The following RB1 variants were observed in gnomAD, a reference collection of about 807,000 sequenced individuals.
RB1 encodes retinoblastoma-associated protein.
Under a neutral mutation model 135.4 loss-of-function variants are expected in RB1, and 18 were observed. The ratio of observed to expected loss-of-function variants is 0.13; its 90% CI spans 0.09 to 0.20. RB1 has a LOEUF of 0.20. Among genes scored for constraint, RB1 ranks in the 10% least tolerant of loss-of-function variants. The pLI, the probability that RB1 is intolerant of heterozygous loss-of-function variation, is 1.00. For synonymous variants in RB1, 365 were observed against 373.2 expected (o/e 0.98, Z 0.25); for missense variants, 868 against 1,110.0 (o/e 0.78, Z 3.10).
In RB1 at chr13:48,473,331, C is replaced by T. The variant is rs1340456154; in HGVS notation, c.2490-29C>T. 1.6e-5 allele frequency: 24 copies of T among 1,538,186 alleles called. No individual in the cohort carries two copies. Among genetic ancestry groups the T allele is most frequent in the Non-Finnish European group, 2.1e-5 (23 of 1,113,430 alleles). Reference sequence around the variant, plus strand: ...CAAAATTGTATATGGTTTTTTATTACTAATTGGTATTTCATCTTAACTTGA... The same window carrying T: ...CAAAATTGTATATGGTTTTTTATTATTAATTGGTATTTCATCTTAACTTGA... On this transcript the variant is annotated intron_variant, in intron 23 of 26. Transcript: ENST00000267163.
At chr13:48,395,106 G>C (rs1375615308) in intron 17 of RB1, among the ~76,000 whole-genome samples, 1 of 152,086 alleles carries the variant, frequency 6.6e-6, no homozygotes, top group Non-Finnish European at 1.5e-5. Context: ...AGGCAAACAG[G>C]GTCTGGAGTG....
At chr13:48,321,208 A>AT (rs1298817274) in intron 2 of RB1, among the ~76,000 whole-genome samples, 1 of 151,952 alleles carries the variant, frequency 6.6e-6, no homozygotes, top group East Asian at 1.9e-4. Flanking sequence ...GGGCTGGCCC[A>AT]TTTACTTAGT....
rs142646934 is a variant in RB1, at chr13:48,335,732, T to C, written c.265-6867T>C. On this transcript the variant is annotated intron_variant, in intron 2 of 26. Transcript: ENST00000267163. ...TCTTCTGTTTCAACAATTTTTAAAG[T>C]GCTATCCTGAGTCCTTTTCATAATT... 7.2e-4 allele frequency among the ~76,000 whole-genome samples: 110 copies of C among 152,226 alleles called. 1 individual carries two copies. Among genetic ancestry groups the C allele is most frequent in the African/African-American group, 2.6e-3 (106 of 41,540 alleles).
At chr13:48,395,616 GA>G (rs1473052739) in intron 17 of RB1, among the ~76,000 whole-genome samples, 1 of 151,822 alleles carries the variant, frequency 6.6e-6, no homozygotes, top group South Asian at 2.1e-4. Context: ...CGATCAAGCA[GA>G]AAAAAAGGAT....
chr13:48,420,637 C>T (rs1948991092), intron 17 of RB1, among the ~76,000 whole-genome samples: 1 of 152,080 alleles, frequency 6.6e-6, no homozygotes, highest in Non-Finnish European at 1.5e-5. Flanking sequence ...TTTAGAAAAC[C>T]CCATTATCTC....
At chr13:48,429,896 A>C (rs1264540006) in intron 17 of RB1, among the ~76,000 whole-genome samples, 1 of 152,218 alleles carries the variant, frequency 6.6e-6, no homozygotes, top group African/African-American at 2.4e-5. Context: ...AAAGACTACA[A>C]AACTTTAATA....
At chr13:48,342,020 T>C (rs1186040532) in intron 2 of RB1, among the ~76,000 whole-genome samples, 1 of 152,006 alleles carries the variant, frequency 6.6e-6, no homozygotes, top group African/African-American at 2.4e-5. Context: ...AAGAACTGAC[T>C]GTATACTATA....
At chr13:48,420,125 G>A (rs1000040980) in intron 17 of RB1, among the ~76,000 whole-genome samples, 5 of 152,120 alleles carry the variant, frequency 3.3e-5, no homozygotes, top group African/African-American at 9.7e-5. Flanking sequence ...GAATATCGAC[G>A]TGAAAACCCT....
intron 2 of RB1, chr13:48,318,479 G>T (rs1391038776): frequency 2.4e-6 from 3 of 1,269,528 alleles, no homozygotes; most frequent in Non-Finnish European, 3.3e-6. Context: ...GCCTCACCTC[G>T]TCTGTCTTAC....
chr13:48,440,774 A>G (rs1207065082), intron 17 of RB1, among the ~76,000 whole-genome samples: 1 of 152,146 alleles, frequency 6.6e-6, no homozygotes, highest in Non-Finnish European at 1.5e-5. Context: ...TTTTCATTTA[A>G]AAAATTAATG....
rs1327513097 is a variant in RB1 at position 48,319,709 on chromosome 13, G to C, written c.264+12303G>C. ...CTTCGTGGGATTTCAAGAGTGACTT[G>C]GTCGAATTTTCGTTTGGGTCTGGTT... On this transcript the variant is annotated intron_variant, in intron 2 of 26. Coordinates refer to ENST00000267163, the MANE Select transcript of RB1 (RefSeq NM_000321.3). This position sits in a 1 kb window ranked among gnomAD's most constrained non-coding sequence, Gnocchi z 5.0. 11 of 255,516 alleles carry C rather than the reference G, an allele frequency of 4.3e-5. No individual in the cohort carries two copies. The highest frequency in any genetic ancestry group is 8.9e-5 in the Non-Finnish European group (11 of 122,994). The allele number at this position is 255,516 out of a possible 1,614,324, so 15.8% of individuals were successfully genotyped here.
At chr13:48,320,967 C>A (rs1273941752) in intron 2 of RB1, among the ~76,000 whole-genome samples, 1 of 152,220 alleles carries the variant, frequency 6.6e-6, no homozygotes, top group Admixed American at 6.5e-5. Context: ...TATTCTTGAC[C>A]TGACCAACGA....
intron 17 of RB1, among the ~76,000 whole-genome samples, chr13:48,390,729 A>T (rs982240928): frequency 6.6e-6 from 1 of 152,174 alleles, no homozygotes; most frequent in Non-Finnish European, 1.5e-5. Context: ...TATCCCTCGT[A>T]ATATTGTTTG....
chr13:48,319,125 C>T lies in RB1; in HGVS notation c.264+11719C>T, dbSNP rs1952212478. 2 of 605,740 alleles carry T rather than the reference C, an allele frequency of 3.3e-6. No individual in the cohort carries two copies. Among genetic ancestry groups the T allele is most frequent in the Non-Finnish European group, 6.1e-6 (2 of 329,464 alleles). 37.5% of individuals were successfully genotyped at this position (605,740 alleles called of 1,614,324 possible). A position where few individuals can be genotyped will look rare whatever the true frequency, so the allele number is the denominator to read the frequency against. On this transcript the variant is annotated intron_variant, in intron 2 of 26. Transcript: ENST00000267163. The surrounding 1 kb of genome is among the most constrained non-coding windows in gnomAD (Gnocchi z 5.0). Reference sequence around the variant, plus strand: ...GAAGCCGGGCTCGCTGGAGGCGGAGCTTTGGTTTCCTTCGGGAGCTTGTGG... The same window carrying T: ...GAAGCCGGGCTCGCTGGAGGCGGAGTTTTGGTTTCCTTCGGGAGCTTGTGG...
chr13:48,306,598 A>G (rs761510294), intron 1 of RB1, among the ~76,000 whole-genome samples: 2 of 152,230 alleles, frequency 1.3e-5, no homozygotes, highest in Non-Finnish European at 2.9e-5. Flanking sequence ...CTACTTTTAC[A>G]GATGAGAATA....
rs1250056785 is a variant in RB1 at position 48,338,121 on chromosome 13, T to C, written c.265-4478T>C. The stretch of plus-strand genomic sequence containing the variant: ...TCTGGCTGCCTTAACATTTTTTCCT[T>C]CATTTCAACTTTGGTGAATCTGACA... On this transcript the variant is annotated intron_variant, in intron 2 of 26. Coordinates refer to ENST00000267163, the MANE Select transcript of RB1 (RefSeq NM_000321.3). Among the ~76,000 whole-genome samples the C allele has an allele frequency of 2.6e-5, 4 of 152,230 alleles. No individual in the cohort carries two copies. In the East Asian group the frequency reaches 5.8e-4, roughly 22 times the overall value.
At chr13:48,342,498 G>A in intron 2 of RB1, 101 bp from the exon 3 acceptor site, 1 of 756,774 alleles carries the variant, frequency 1.3e-6, no homozygotes, top group South Asian at 1.5e-5. Flanking sequence ...CATTTATTTT[G>A]TATGCTGAAT....
rs1296332862 is a variant in RB1, at chr13:48,320,043, G to C, written c.264+12637G>C. 1.0e-5 allele frequency: 5 copies of C among 499,196 alleles called. No individual in the cohort carries two copies. The East Asian group carries it at 2.2e-4, about 22-fold the overall frequency. 30.9% of individuals were successfully genotyped at this position (499,196 alleles called of 1,614,324 possible). A position where few individuals can be genotyped will look rare whatever the true frequency, so the allele number is the denominator to read the frequency against. On this transcript the variant is annotated intron_variant, in intron 2 of 26. Transcript: ENST00000267163. ...CCTGGCTGGCCCCTGCCAGCCCCGG[G>C]CTGTGCGGCTCCACTCTTTGCCTTT...
At chr13:48,352,838 C>G (rs551611714) in intron 6 of RB1, among the ~76,000 whole-genome samples, 1 of 152,154 alleles carries the variant, frequency 6.6e-6, no homozygotes, top group Non-Finnish European at 1.5e-5. Context: ...ATTTGGATGC[C>G]CTTCATTTCT....
Sources: gnomAD v4.1 joint callset for allele counts (sites outside exome capture counted in the v4.1 genomes callset) on GRCh38, gnomAD v4.1.1 for gene constraint, Gnocchi (gnomAD v3.1) non-coding constraint, MANE v1.5 for transcripts, NCBI Gene and HGNC (gene_info 2026-07-23, HGNC 2026-07-21) for gene names.